FRMD4A: variants seen among roughly 807,000 people sequenced by gnomAD.
FRMD4A encodes FERM domain-containing protein 4A.
In FRMD4A, 29 loss-of-function variants were observed where a neutral mutation model predicts 129.1. The ratio of observed to expected loss-of-function variants is 0.22; its 90% CI spans 0.17 to 0.31. The LOEUF is 0.31. FRMD4A is among the 10% of genes least tolerant of loss of function. The probability of loss-of-function intolerance (pLI) is 1.00; values close to 1 mark genes in which losing one functional copy is unlikely to be tolerated. For missense variants in FRMD4A, 1,272 were observed against 1,375.8 expected (o/e 0.92, Z 1.19); for synonymous variants, 634 against 571.6 (o/e 1.11, Z -1.56).
intron 3 of FRMD4A, among the ~76,000 whole-genome samples, chr10:13,857,250 T>C (rs1430583685): frequency 6.6e-6 from 1 of 152,140 alleles, no homozygotes; most frequent in African/African-American, 2.4e-5. Context: ...GATTAGATAA[T>C]AATGGTATAT....
At chr10:13,877,626 G>A (rs146603669) in intron 2 of FRMD4A, among the ~76,000 whole-genome samples, 73 of 152,328 alleles carry the variant, frequency 4.8e-4, no homozygotes, top group African/African-American at 1.6e-3. Context: ...ACATCCACAC[G>A]GAGCAGTCCA....
At chr10:13,716,856 T>C (rs1413740468) in intron 12 of FRMD4A, among the ~76,000 whole-genome samples, 2 of 152,228 alleles carry the variant, frequency 1.3e-5, no homozygotes, top group Non-Finnish European at 2.9e-5. Flanking sequence ...TATTTTCTTG[T>C]GTGTATTTTG....
chr10:13,690,999 TGTGA>T (rs2134815690), intron 15 of FRMD4A, among the ~76,000 whole-genome samples: 1 of 152,298 alleles, frequency 6.6e-6, no homozygotes, highest in African/African-American at 2.4e-5. Context: ...TGTGTGTGTG[TGTGA>T]GAGAGACACA....
intron 2 of FRMD4A, among the ~76,000 whole-genome samples, chr10:13,926,653 C>G (rs1367002388): frequency 1.3e-5 from 2 of 152,196 alleles, no homozygotes. Flanking sequence ...TAAGACAGGA[C>G]ATTTGTTTCA....
intron 2 of FRMD4A, among the ~76,000 whole-genome samples, chr10:13,882,322 T>C (rs867894668): frequency 2.0e-5 from 3 of 152,008 alleles, no homozygotes; most frequent in Middle Eastern, 3.2e-3. Flanking sequence ...GAAATTTGAT[T>C]GGAAAGATTA....
Position 14,192,574 on chromosome 10 carries a change from C to T in FRMD4A, c.45+137484G>A, listed in dbSNP as rs539433913. Among the ~76,000 whole-genome samples the T allele has an allele frequency of 2.0e-5, 3 of 152,248 alleles. No individual in the cohort carries two copies. The South Asian group carries it at 6.2e-4, about 32-fold the overall frequency. On this transcript the variant is annotated intron_variant, in intron 2 of 24. Transcript: ENST00000357447. ...GTATTAAGAACCTTCTTTTTTTAAC[C>T]TCTTTCCTTAAGAGAGCTTCAGGAT...
chr10:14,304,272 C>T (rs139236319), intron 2 of FRMD4A, among the ~76,000 whole-genome samples: 1 of 152,332 alleles, frequency 6.6e-6, no homozygotes, highest in East Asian at 1.9e-4. Context: ...AGAGCTCCAG[C>T]TTCCTTAGAT....
At chr10:14,128,639 C>T (rs1353293162) in intron 2 of FRMD4A, among the ~76,000 whole-genome samples, 1 of 152,176 alleles carries the variant, frequency 6.6e-6, no homozygotes, top group Non-Finnish European at 1.5e-5. Flanking sequence ...TTTTCTGCCT[C>T]CCAACTCAGC....
intron 2 of FRMD4A, among the ~76,000 whole-genome samples, chr10:13,933,957 G>C (rs555484361): frequency 6.6e-6 from 1 of 152,278 alleles, no homozygotes; most frequent in South Asian, 2.1e-4. Flanking sequence ...CAGCATCCTT[G>C]ACAGCTCTAT....
At chr10:13,815,009 A>G (rs932849387) in intron 3 of FRMD4A, among the ~76,000 whole-genome samples, 1 of 152,090 alleles carries the variant, frequency 6.6e-6, no homozygotes, top group Non-Finnish European at 1.5e-5. Flanking sequence ...ACTTTAGCTG[A>G]TCATGTTACA....
At chr10:13,750,566 G>A (rs1355180456) in intron 8 of FRMD4A, among the ~76,000 whole-genome samples, 3 of 152,138 alleles carry the variant, frequency 2.0e-5, no homozygotes, top group Non-Finnish European at 2.9e-5. Context: ...GGGGGAGGCC[G>A]TGCACGAAGA....
intron 9 of FRMD4A, among the ~76,000 whole-genome samples, chr10:13,741,947 C>T (rs1480015738): frequency 2.0e-5 from 3 of 152,210 alleles, no homozygotes; most frequent in Non-Finnish European, 2.9e-5. Flanking sequence ...ACCTCTGCCT[C>T]CCAGTTTAAA....
intron 3 of FRMD4A, among the ~76,000 whole-genome samples, chr10:13,816,838 T>C (rs1017914467): frequency 3.3e-5 from 5 of 152,324 alleles, no homozygotes; most frequent in African/African-American, 1.2e-4. Context: ...TTGGACAATC[T>C]GGGCAGGAGC....
intron 3 of FRMD4A, among the ~76,000 whole-genome samples, chr10:13,823,482 C>T (rs1414966544): frequency 6.6e-6 from 1 of 152,198 alleles, no homozygotes; most frequent in Non-Finnish European, 1.5e-5. Flanking sequence ...AAGTCTGCAG[C>T]CCAAATTCTG....
At chr10:14,001,256 G>T (rs978674590) in intron 2 of FRMD4A, among the ~76,000 whole-genome samples, 1 of 152,160 alleles carries the variant, frequency 6.6e-6, no homozygotes, top group Non-Finnish European at 1.5e-5. Context: ...GTTCTTAAAA[G>T]CTCCTTGAGT....
rs1330665208 is a variant in FRMD4A, at chr10:13,645,953, T to TATCA, written c.*1081_*1084dup. 21 of 152,676 alleles carry TATCA rather than the reference T, an allele frequency of 1.4e-4. No homozygotes were observed. Among genetic ancestry groups the TATCA allele is most frequent in the Admixed American group, 3.9e-4 (6 of 15,310 alleles). The allele number at this position is 152,676 out of a possible 1,614,324, so 9.5% of individuals were successfully genotyped here. On this transcript the variant is annotated 3_prime_UTR_variant, in exon 25 of 25. Coordinates refer to ENST00000357447, the MANE Select transcript of FRMD4A (RefSeq NM_018027.5). The stretch of plus-strand genomic sequence containing the variant: ...ATGAGAGAGAACCACTTTTGGCCAT[T>TATCA]ATCACCTTACGTTACTACAAATCCT...
At chr10:14,162,641 GTTTTTTT>G (rs71388160) in intron 2 of FRMD4A, among the ~76,000 whole-genome samples, 5 of 118,398 alleles carry the variant, frequency 4.2e-5, no homozygotes, top group African/African-American at 7.0e-5. Context: ...TTTTTTTTTT[GTTTTTTT>G]TTTTTTTTTT....
intron 5 of FRMD4A, among the ~76,000 whole-genome samples, chr10:13,793,210 T>C (rs2093041987): frequency 6.6e-6 from 1 of 151,802 alleles, no homozygotes. Flanking sequence ...CTTGCTCTGT[T>C]GCCTAGGCTG....
rs574142112 is a variant in FRMD4A, at chr10:13,836,034, G to A, written c.111+22813C>T. ...TGTTTTTGAGATGGAGTCTTACTCTGTTGCCCAGGCTGGAGTGCAGTGGCA... is the reference window on the plus strand; with the variant it reads ...TGTTTTTGAGATGGAGTCTTACTCTATTGCCCAGGCTGGAGTGCAGTGGCA... On this transcript the variant is annotated intron_variant, in intron 3 of 24. Coordinates refer to ENST00000357447, the MANE Select transcript of FRMD4A (RefSeq NM_018027.5). 1.9e-3 allele frequency among the ~76,000 whole-genome samples: 287 copies of A among 152,352 alleles called. 2 individuals are homozygous for A. Among genetic ancestry groups the A allele is most frequent in the Non-Finnish European group, 2.5e-3 (169 of 68,036 alleles).
Sources: gnomAD v4.1 joint callset for allele counts (sites outside exome capture counted in the v4.1 genomes callset) on GRCh38, gnomAD v4.1.1 for gene constraint, MANE v1.5 for transcripts, NCBI Gene and HGNC (gene_info 2026-07-23, HGNC 2026-07-21) for gene names.